The following ADAMTS12 variants were observed in gnomAD, a reference collection of about 807,000 sequenced individuals.
The protein encoded by ADAMTS12 is A disintegrin and metalloproteinase with thrombospondin motifs 12.
ADAMTS12 carries 118 observed loss-of-function variants against 167.8 expected under a neutral mutation model. The ratio of observed to expected loss-of-function variants is 0.70; its 90% CI spans 0.61 to 0.82. The LOEUF (loss-of-function observed/expected upper bound fraction) is 0.82. Among genes scored for constraint, ADAMTS12 ranks in the 40% least tolerant of loss-of-function variants. The probability of loss-of-function intolerance (pLI) is 0.00; values close to 1 mark genes in which losing one functional copy is unlikely to be tolerated. For synonymous variants in ADAMTS12, 704 were observed against 716.9 expected, an observed-to-expected ratio of 0.98 and a Z score of 0.29; for missense variants, 1,916 against 1,998.8, an observed-to-expected ratio of 0.96 and a Z score of 0.79.
chr5:33,707,699 G>A (rs1369142429), intron 3 of ADAMTS12, among the ~76,000 whole-genome samples: 1 of 152,026 alleles, frequency 6.6e-6, no homozygotes, highest in African/African-American at 2.4e-5. Flanking sequence ...ACAAGCAATA[G>A]GGAAAGGATT....
In ADAMTS12 at chr5:33,772,153, T is replaced by G. The variant is rs1745761674; in HGVS notation, c.490-20605A>C. Among the ~76,000 whole-genome samples, 3 of 152,042 alleles carry G rather than the reference T, an allele frequency of 2.0e-5. No homozygotes were observed. The South Asian group carries it at 6.2e-4, about 32-fold the overall frequency. On this transcript the variant is annotated intron_variant, in intron 2 of 23. Coordinates refer to ENST00000504830, the MANE Select transcript of ADAMTS12 (RefSeq NM_030955.4). The stretch of plus-strand genomic sequence containing the variant: ...ATTACAGGCATGAGCCACCACACCC[T>G]GCCTTGTGGTCCTTTTCAACAAGTA...
chr5:33,759,606 G>T (rs185285528), intron 2 of ADAMTS12, among the ~76,000 whole-genome samples: 2 of 152,108 alleles, frequency 1.3e-5, no homozygotes, highest in African/African-American at 4.8e-5. Context: ...CAACTCTTCC[G>T]TGACTAAATC....
At chr5:33,686,957 CA>C (rs1742356122) in intron 3 of ADAMTS12, among the ~76,000 whole-genome samples, 1 of 129,928 alleles carries the variant, frequency 7.7e-6, no homozygotes, top group Non-Finnish European at 1.6e-5. Flanking sequence ...AGAGAGAGAG[CA>C]AGAGAGAGAG....
chr5:33,742,754 C>CTCAT (rs796449776), intron 3 of ADAMTS12, among the ~76,000 whole-genome samples: 17 of 152,308 alleles, frequency 1.1e-4, no homozygotes, highest in Admixed American at 2.6e-4. Flanking sequence ...CACTCATTTA[C>CTCAT]TCATTCATTC....
intron 22 of ADAMTS12, among the ~76,000 whole-genome samples, chr5:33,544,501 G>GA (rs1744865216): frequency 6.6e-6 from 1 of 152,024 alleles, no homozygotes; most frequent in Non-Finnish European, 1.5e-5. Flanking sequence ...CACAGAATTG[G>GA]AAAAAACTAC....
chr5:33,842,998 C>A (rs758743669), intron 2 of ADAMTS12, among the ~76,000 whole-genome samples: 9 of 152,210 alleles, frequency 5.9e-5, no homozygotes, highest in Non-Finnish European at 1.3e-4. Flanking sequence ...CTGGCACTCA[C>A]AGTCTAAATC....
In ADAMTS12 at chr5:33,555,775, A is replaced by C. The variant is rs577070285; in HGVS notation, c.4125+5252T>G. On this transcript the variant is annotated intron_variant, in intron 20 of 23. Coordinates refer to ENST00000504830, the MANE Select transcript of ADAMTS12 (RefSeq NM_030955.4). ...CTAGTTTCCTTAGTGGAAATTATAA[A>C]GTCCTGTATTATGGTAAAAATAAAA... is the stretch of plus-strand genomic sequence containing the variant. Among the ~76,000 whole-genome samples the C allele has an allele frequency of 1.1e-4, 17 of 152,328 alleles. No individual in the cohort carries two copies. In the East Asian group the frequency reaches 2.9e-3, roughly 26 times the overall value.
At chr5:33,838,479 T>TC (rs1226878548) in intron 2 of ADAMTS12, among the ~76,000 whole-genome samples, 1 of 152,030 alleles carries the variant, frequency 6.6e-6, no homozygotes, top group African/African-American at 2.4e-5. Flanking sequence ...GGTCAGGAGT[T>TC]CAAGACCAGC....
rs773421220 is a variant in ADAMTS12 at position 33,526,508 on chromosome 5, C to G, written c.*680G>C. 6.6e-6 allele frequency: 1 copy of G among 152,160 alleles called. No individual in the cohort carries two copies. The highest frequency in any genetic ancestry group is 1.5e-5 in the Non-Finnish European group (1 of 68,022). 9.4% of individuals were successfully genotyped at this position (152,160 alleles called of 1,614,324 possible). On this transcript the variant is annotated 3_prime_UTR_variant, in exon 24 of 24. Coordinates refer to ENST00000504830, the MANE Select transcript of ADAMTS12 (RefSeq NM_030955.4). Reference sequence around the variant, plus strand: ...TGTTTTCTGTGTAAGTGACCTAAACCCCTTAGGCTGTGTTTCTTATGCCTG... The same window carrying G: ...TGTTTTCTGTGTAAGTGACCTAAACGCCTTAGGCTGTGTTTCTTATGCCTG...
intron 2 of ADAMTS12, among the ~76,000 whole-genome samples, chr5:33,863,840 C>G (rs948546216): frequency 5.9e-5 from 9 of 152,182 alleles, no homozygotes; most frequent in African/African-American, 2.2e-4. Flanking sequence ...CAACATAGTA[C>G]TGGTACCAAA....
intron 2 of ADAMTS12, among the ~76,000 whole-genome samples, chr5:33,780,777 C>T (rs1194393302): frequency 6.6e-6 from 1 of 152,190 alleles, no homozygotes; most frequent in African/African-American, 2.4e-5. Flanking sequence ...TGCTTCCCAG[C>T]TGACTCCTTT....
At chr5:33,752,197 T>G (rs1193458297) in intron 2 of ADAMTS12, among the ~76,000 whole-genome samples, 1 of 152,176 alleles carries the variant, frequency 6.6e-6, no homozygotes, top group Non-Finnish European at 1.5e-5. Context: ...AATGAGTAAC[T>G]CCTTTTAGAG....
At chr5:33,722,135 C>T (rs935925067) in intron 3 of ADAMTS12, among the ~76,000 whole-genome samples, 10 of 152,292 alleles carry the variant, frequency 6.6e-5, no homozygotes, top group Middle Eastern at 3.4e-3. Context: ...ACACTGCAAC[C>T]ACATTTCCAT....
chr5:33,664,215 A>C (rs1357260214), intron 5 of ADAMTS12, among the ~76,000 whole-genome samples: 2 of 152,206 alleles, frequency 1.3e-5, no homozygotes, highest in South Asian at 4.1e-4. Context: ...TAGCTAAAGC[A>C]ATTCTGAAAA....
intron 2 of ADAMTS12, among the ~76,000 whole-genome samples, chr5:33,865,923 A>G (rs1749802952): frequency 6.6e-6 from 1 of 152,196 alleles, no homozygotes; most frequent in African/African-American, 2.4e-5. Context: ...GAGCTCTACA[A>G]GGAGAACTAT....
intron 19 of ADAMTS12, among the ~76,000 whole-genome samples, chr5:33,565,040 G>A (rs2047030377): frequency 6.6e-6 from 1 of 152,106 alleles, no homozygotes. Context: ...TACGGAGAGA[G>A]GCAATCCCAA....
chr5:33,633,018 G>A (rs928026780), intron 12 of ADAMTS12, among the ~76,000 whole-genome samples: 1 of 151,772 alleles, frequency 6.6e-6, no homozygotes, highest in Non-Finnish European at 1.5e-5. Context: ...GATCTACTCA[G>A]TGCATCAAGT....
At chr5:33,852,459 C>T (rs1031171593) in intron 2 of ADAMTS12, among the ~76,000 whole-genome samples, 76 of 152,188 alleles carry the variant, frequency 5.0e-4, no homozygotes, top group African/African-American at 1.7e-3. Flanking sequence ...CTGCCATAAA[C>T]AGGGTACAGA....
At chr5:33,594,844 C>T (rs1747835233) in intron 17 of ADAMTS12, among the ~76,000 whole-genome samples, 1 of 152,162 alleles carries the variant, frequency 6.6e-6, no homozygotes, top group Non-Finnish European at 1.5e-5. Context: ...TCATTTTTTT[C>T]AACTGTCTTG....
Sources: allele counts gnomAD v4.1 joint callset (sites outside exome capture counted in the v4.1 genomes callset), GRCh38; gene constraint gnomAD v4.1.1; transcripts MANE v1.5; gene names NCBI Gene and HGNC (gene_info 2026-07-23, HGNC 2026-07-21).